The following KSR2 variants were observed in gnomAD, a reference collection of about 807,000 sequenced individuals.
KSR2 encodes kinase suppressor of ras 2.
In KSR2, 25 loss-of-function variants were observed where a neutral mutation model predicts 107.8. The ratio of observed to expected loss-of-function variants is 0.23; its 90% CI spans 0.17 to 0.32. KSR2 has a LOEUF of 0.32. KSR2 is among the 10% of genes least tolerant of loss of function. KSR2 has a pLI of 1.00. For missense variants in KSR2, 887 were observed against 1,268.9 expected, an observed-to-expected ratio of 0.70 and a Z score of 4.57; for synonymous variants, 480 against 507.0, an observed-to-expected ratio of 0.95 and a Z score of 0.71.
At chr12:117,622,202 T>C (rs1185888213) in intron 5 of KSR2, among the ~76,000 whole-genome samples, 1 of 152,116 alleles carries the variant, frequency 6.6e-6, no homozygotes, top group Non-Finnish European at 1.5e-5. Flanking sequence ...TTTTTTTTTG[T>C]TTAAGTATGG....
chr12:117,579,352 C>A, intron 6 of KSR2, 150 bp from the exon 7 acceptor site: 1 of 663,716 alleles, frequency 1.5e-6, no homozygotes, highest in Non-Finnish European at 2.7e-6. Context: ...GTTGCTTAAA[C>A]CACTGGAACC....
At chr12:117,794,470 AC>A (rs1890521872) in intron 3 of KSR2, among the ~76,000 whole-genome samples, 1 of 134,466 alleles carries the variant, frequency 7.4e-6, no homozygotes, top group African/African-American at 3.0e-5. Context: ...ATGCACACTC[AC>A]ACCAACATGC....
chr12:117,525,529 G>C (rs946015019), intron 13 of KSR2, among the ~76,000 whole-genome samples: 5 of 152,118 alleles, frequency 3.3e-5, no homozygotes, highest in African/African-American at 1.2e-4. Flanking sequence ...CCTGGTTTTA[G>C]CACCGAAAGT....
At position 117,760,986 on chromosome 12, in the gene KSR2, C is replaced by A. The variant is rs560412194; in HGVS notation, c.986+25G>T. ...CTCGCAGGCCGGGTTTCGACCGCCC[C>A]AGGGCACCCACCGATCGCACTCACT... On this transcript the variant is annotated intron_variant, in intron 4 of 19. Transcript: ENST00000339824. The A allele has an allele frequency of 1.6e-5, 25 of 1,612,230 alleles. No individual in the cohort carries two copies. In the South Asian group the frequency reaches 2.5e-4, roughly 16 times the overall value.
intron 5 of KSR2, among the ~76,000 whole-genome samples, chr12:117,603,612 T>C (rs1350403638): frequency 6.6e-6 from 1 of 152,176 alleles, no homozygotes; most frequent in African/African-American, 2.4e-5. Flanking sequence ...CCAGCAATGA[T>C]ATGGGATGAA....
At chr12:117,964,369 C>G (rs1433988888) in intron 1 of KSR2, among the ~76,000 whole-genome samples, 2 of 152,204 alleles carry the variant, frequency 1.3e-5, no homozygotes, top group Non-Finnish European at 1.5e-5. Context: ...TTAACTCAAC[C>G]CTTCCCAAAC....
chr12:117,815,005 G>A (rs1891321906), intron 3 of KSR2, among the ~76,000 whole-genome samples: 2 of 152,092 alleles, frequency 1.3e-5, no homozygotes, highest in Non-Finnish European at 2.9e-5. Context: ...TCACAGAAAG[G>A]GAAATACAGA....
chr12:117,477,154 T>C (rs1592909404), intron 16 of KSR2, among the ~76,000 whole-genome samples: 1 of 152,186 alleles, frequency 6.6e-6, no homozygotes, highest in Non-Finnish European at 1.5e-5. Flanking sequence ...CTTCTTATGC[T>C]ACTCTGCACT....
At chr12:117,608,373 G>A (rs1326816960) in intron 5 of KSR2, among the ~76,000 whole-genome samples, 3 of 152,330 alleles carry the variant, frequency 2.0e-5, no homozygotes, top group Middle Eastern at 3.4e-3. Flanking sequence ...CAAAACCACA[G>A]ATGATTTTAT....
chr12:117,848,841 GTGATGGTGA>G lies in KSR2; in HGVS notation c.472+6578_472+6586del, dbSNP rs56730615. Among the ~76,000 whole-genome samples, 31 of 141,872 alleles carry G rather than the reference GTGATGGTGA, an allele frequency of 2.2e-4. No individual in the cohort carries two copies. The South Asian group carries it at 4.2e-3, about 19-fold the overall frequency. 93.1% of individuals were successfully genotyped at this position (141,872 alleles called of 152,430 possible). Reference sequence around the variant, plus strand: ...GTGGGTGGTGATGGTGGTAGTGGTGGTGATGGTGATGATGGTGATGATGGTGATGACGGT... The same window carrying G: ...GTGGGTGGTGATGGTGGTAGTGGTGGTGATGGTGATGATGGTGATGACGGT... On this transcript the variant is annotated intron_variant, in intron 3 of 19. Transcript: ENST00000339824.
intron 4 of KSR2, among the ~76,000 whole-genome samples, chr12:117,716,535 T>C (rs1284344575): frequency 6.6e-6 from 1 of 152,274 alleles, no homozygotes; most frequent in South Asian, 2.1e-4. Flanking sequence ...TTTGGATCTA[T>C]TGGTAAAATA....
intron 1 of KSR2, among the ~76,000 whole-genome samples, chr12:117,878,186 C>G (rs1345973918): frequency 1.3e-5 from 2 of 152,060 alleles, no homozygotes; most frequent in African/African-American, 4.8e-5. Flanking sequence ...TTAACCTGCA[C>G]TAATCACTCC....
In KSR2 at chr12:117,462,278, T is replaced by G. The variant is rs1308747380; in HGVS notation, c.*4921A>C. 2 of 142,832 alleles carry G rather than the reference T, an allele frequency of 1.4e-5. No homozygotes were observed. The highest frequency in any genetic ancestry group is 3.0e-5 in the Non-Finnish European group (2 of 65,658). The allele number at this position is 142,832 out of a possible 1,614,324, so 8.8% of individuals were successfully genotyped here. ...AAAAAAAGACATGTTGAAGTCCTCA[T>G]TCCTAGTACCTCAGAATGAGACTTC... is the stretch of plus-strand genomic sequence containing the variant. On this transcript the variant is annotated 3_prime_UTR_variant, in exon 20 of 20. Transcript: ENST00000339824.
intron 5 of KSR2, among the ~76,000 whole-genome samples, chr12:117,623,634 G>A (rs1245675329): frequency 1.3e-5 from 2 of 152,220 alleles, no homozygotes; most frequent in Non-Finnish European, 2.9e-5. Flanking sequence ...TATCATTGAT[G>A]GACATTTGGG....
chr12:117,652,615 A>T (rs551619701), intron 5 of KSR2, among the ~76,000 whole-genome samples: 15 of 152,318 alleles, frequency 9.8e-5, no homozygotes, highest in South Asian at 2.1e-4. Flanking sequence ...CAGACAATTT[A>T]TGCAGTGAAT....
At chr12:117,797,892 C>A (rs1043677317) in intron 3 of KSR2, among the ~76,000 whole-genome samples, 16 of 152,084 alleles carry the variant, frequency 1.1e-4, no homozygotes, top group Non-Finnish European at 1.0e-4. Flanking sequence ...CTCAAGCAAT[C>A]CTCCTGCCTC....
At chr12:117,925,330 C>T (rs1390679581) in intron 1 of KSR2, among the ~76,000 whole-genome samples, 1 of 152,010 alleles carries the variant, frequency 6.6e-6, no homozygotes, top group Non-Finnish European at 1.5e-5. Context: ...CACCACGTTG[C>T]CCAGGCTGGT....
At chr12:117,511,164 C>T (rs1767779805) in intron 14 of KSR2, among the ~76,000 whole-genome samples, 1 of 152,220 alleles carries the variant, frequency 6.6e-6, no homozygotes, top group African/African-American at 2.4e-5. Flanking sequence ...AACTAGCAAA[C>T]CAAGCATTCC....
chr12:117,517,864 C>T (rs1874479051), intron 14 of KSR2: 1 of 455,708 alleles, frequency 2.2e-6, no homozygotes, highest in Admixed American at 2.4e-5. Context: ...TGAAGAGAAA[C>T]AAAAATTAGA....
Sources: gnomAD v4.1 joint callset for allele counts (sites outside exome capture counted in the v4.1 genomes callset) on GRCh38, gnomAD v4.1.1 for gene constraint, MANE v1.5 for transcripts, NCBI Gene and HGNC (gene_info 2026-07-23, HGNC 2026-07-21) for gene names.